SHISA9: variants seen among roughly 807,000 people sequenced by gnomAD.
SHISA9 encodes the protein shisa family member 9.
SHISA9 carries 13 observed loss-of-function variants against 38.0 expected under a neutral mutation model. The ratio of observed to expected loss-of-function variants is 0.34; its 90% CI spans 0.22 to 0.54. The LOEUF is 0.54. SHISA9 is among the 20% of genes least tolerant of loss of function. SHISA9 has a pLI of 0.91. For synonymous variants in SHISA9, 275 were observed against 242.0 expected, an observed-to-expected ratio of 1.14 and a Z score of -1.27; for missense variants, 538 against 575.8, an observed-to-expected ratio of 0.93 and a Z score of 0.67.
chr16:13,513,338 A>G, the SHISA9 span, among the ~76,000 whole-genome samples: 2 of 152,224 alleles, frequency 1.3e-5, no homozygotes, highest in African/African-American at 4.8e-5. Context: ...TCAAGAAACA[A>G]TAGATGCTGG....
intron 2 of SHISA9, among the ~76,000 whole-genome samples, chr16:12,935,561 G>A (rs542794764): frequency 1.3e-4 from 20 of 152,160 alleles, no homozygotes; most frequent in African/African-American, 4.8e-4. Flanking sequence ...TAATTAGAAG[G>A]GACAGGCCGG....
intron 2 of SHISA9, among the ~76,000 whole-genome samples, chr16:13,058,774 T>A (rs573261335): frequency 2.2e-4 from 34 of 151,962 alleles, no homozygotes; most frequent in Middle Eastern, 3.4e-3. Flanking sequence ...TGTGTGTGTG[T>A]GTGTGTGTGA....
intron 2 of SHISA9, among the ~76,000 whole-genome samples, chr16:13,032,091 T>C (rs1466897264): frequency 6.6e-6 from 1 of 152,106 alleles, no homozygotes; most frequent in East Asian, 1.9e-4. Context: ...TGTGCCATGG[T>C]TGTTTGCTGT....
the SHISA9 span, among the ~76,000 whole-genome samples, chr16:13,432,428 C>T: frequency 2.6e-5 from 4 of 152,072 alleles, no homozygotes. Flanking sequence ...AATTGGAGGC[C>T]AATGAGCTGT....
chr16:12,997,410 G>GC (rs2072470463), intron 2 of SHISA9, among the ~76,000 whole-genome samples: 1 of 134,084 alleles, frequency 7.5e-6, no homozygotes, highest in Admixed American at 7.7e-5. Flanking sequence ...GCTTAACCTA[G>GC]TTTTTTTTTT....
chr16:13,460,809 G>A, the SHISA9 span, among the ~76,000 whole-genome samples: 10 of 152,302 alleles, frequency 6.6e-5, no homozygotes, highest in South Asian at 1.9e-3. Flanking sequence ...GTCTGGATTT[G>A]TAATGATGCA....
intron 1 of SHISA9, chr16:12,911,447 AC>A: frequency 1.1e-6 from 1 of 906,218 alleles, no homozygotes; most frequent in Non-Finnish European, 1.3e-6. Context: ...ATATGCATGA[AC>A]CCACGAACAA....
At chr16:13,339,058 C>G in the SHISA9 span, among the ~76,000 whole-genome samples, 1 of 151,990 alleles carries the variant, frequency 6.6e-6, no homozygotes, top group East Asian at 1.9e-4. Flanking sequence ...TGAGCCTTCT[C>G]TTGCAATTTA....
the SHISA9 span, among the ~76,000 whole-genome samples, chr16:13,438,711 T>C: frequency 6.6e-6 from 1 of 152,202 alleles, no homozygotes; most frequent in Non-Finnish European, 1.5e-5. Flanking sequence ...GAAGACTATG[T>C]AACCGCTGGA....
the SHISA9 span, among the ~76,000 whole-genome samples, chr16:13,343,948 T>A: frequency 6.6e-6 from 1 of 152,236 alleles, no homozygotes; most frequent in Admixed American, 6.5e-5. Flanking sequence ...ATAATTTGGA[T>A]AAAATTAATC....
chr16:13,046,772 C>G (rs2141894282), intron 2 of SHISA9, among the ~76,000 whole-genome samples: 1 of 152,294 alleles, frequency 6.6e-6, no homozygotes, highest in East Asian at 1.9e-4. Flanking sequence ...TCCCTAGACA[C>G]TTTCATCTCA....
At chr16:13,506,861 C>G in the SHISA9 span, among the ~76,000 whole-genome samples, 1 of 152,056 alleles carries the variant, frequency 6.6e-6, no homozygotes, top group East Asian at 1.9e-4. Context: ...AGAGCAAGAC[C>G]CCATCTCTAT....
intron 2 of SHISA9, among the ~76,000 whole-genome samples, chr16:12,976,389 C>A (rs751779872): frequency 5.3e-5 from 8 of 152,172 alleles, no homozygotes; most frequent in Non-Finnish European, 1.2e-4. Context: ...CCATGCCTGG[C>A]CAAACTCGTT....
At chr16:13,089,900 T>A (rs2073755598) in intron 2 of SHISA9, among the ~76,000 whole-genome samples, 1 of 152,210 alleles carries the variant, frequency 6.6e-6, no homozygotes, top group South Asian at 2.1e-4. Context: ...TGTTATGGTG[T>A]CAATTTTAGG....
intron 2 of SHISA9, among the ~76,000 whole-genome samples, chr16:13,057,429 T>C (rs1346312734): frequency 6.6e-6 from 1 of 152,250 alleles, no homozygotes; most frequent in South Asian, 2.1e-4. Context: ...AGTTTTGCTC[T>C]TATAGTCCAG....
At chr16:13,175,951 A>G (rs967315614) in intron 2 of SHISA9, among the ~76,000 whole-genome samples, 1 of 152,270 alleles carries the variant, frequency 6.6e-6, no homozygotes, top group Admixed American at 6.5e-5. Context: ...GAACCGAGGT[A>G]TGTTCTCACT....
the SHISA9 span, chr16:13,350,580 G>A: frequency 6.6e-6 from 1 of 152,174 alleles, no homozygotes; most frequent in Admixed American, 6.5e-5. Context: ...CTAGCCTCAA[G>A]GCTCTGTCCT....
At chr16:13,506,421 T>A in the SHISA9 span, among the ~76,000 whole-genome samples, 2 of 151,834 alleles carry the variant, frequency 1.3e-5, no homozygotes, top group African/African-American at 4.8e-5. Context: ...TATTAGCAGG[T>A]GAAAGTGCAG....
At chr16:13,384,712 C>T in the SHISA9 span, among the ~76,000 whole-genome samples, 1 of 152,180 alleles carries the variant, frequency 6.6e-6, no homozygotes, top group Non-Finnish European at 1.5e-5. Flanking sequence ...TCAATTCCAA[C>T]CTTTTCCCAA....
Sources: gnomAD v4.1 joint callset for allele counts (sites outside exome capture counted in the v4.1 genomes callset) on GRCh38, gnomAD v4.1.1 for gene constraint, MANE v1.5 for transcripts, NCBI Gene and HGNC (gene_info 2026-07-23, HGNC 2026-07-21) for gene names.